The following ACSL6 variants were observed in gnomAD, a reference collection of about 807,000 sequenced individuals.
ACSL6 encodes the protein long-chain-fatty-acid--CoA ligase 6.
ACSL6 carries 47 observed loss-of-function variants against 98.2 expected under a neutral mutation model. The observed-to-expected ratio is 0.48, with a 90% CI of 0.38 to 0.61. The LOEUF (loss-of-function observed/expected upper bound fraction) is 0.61. Ranked by LOEUF, ACSL6 falls within the 20% of genes least tolerant of loss-of-function variation. ACSL6 has a pLI of 0.00. For missense variants in ACSL6, 761 were observed against 913.4 expected (o/e 0.83, Z 2.15); for synonymous variants, 362 against 336.9 (o/e 1.07, Z -0.82).
At chr5:131,956,631 G>A (rs963264074) in intron 20 of ACSL6, among the ~76,000 whole-genome samples, 42 of 152,058 alleles carry the variant, frequency 2.8e-4, no homozygotes, top group African/African-American at 1.0e-3. Flanking sequence ...GCAGTAAGTG[G>A]AAAAAAATGA....
chr5:132,001,231 G>A (rs1433330962), intron 1 of ACSL6, among the ~76,000 whole-genome samples: 3 of 152,214 alleles, frequency 2.0e-5, no homozygotes, highest in Non-Finnish European at 2.9e-5. Context: ...GCATAGAGCT[G>A]AGGGAGTAGT....
intron 1 of ACSL6, chr5:132,003,540 C>T (rs1009619697): frequency 6.6e-6 from 1 of 152,302 alleles, no homozygotes; most frequent in African/African-American, 2.4e-5. Context: ...GAGGGCATCA[C>T]TCCACTTGGG....
chr5:131,951,620 C>G lies in ACSL6; in HGVS notation c.*2614G>C. 5.7e-6 allele frequency: 1 copy of G among 176,056 alleles called. No homozygotes were observed. Among genetic ancestry groups the G allele is most frequent in the Non-Finnish European group, 1.2e-5 (1 of 82,254 alleles). The allele number at this position is 176,056 out of a possible 1,614,324, so 10.9% of individuals were successfully genotyped here. ...TTTCTTTTTGAGACGGAGTCTCGTT[C>G]TGTTGCCCAGGCTGGAGTACAGTGG... is the stretch of plus-strand genomic sequence containing the variant. On this transcript the variant is annotated 3_prime_UTR_variant, in exon 21 of 21. Coordinates refer to ENST00000651883, the MANE Select transcript of ACSL6 (RefSeq NM_001009185.3).
intron 18 of ACSL6, 145 bp downstream of exon 18, chr5:131,962,386 ATAAG>A (rs1242729874): frequency 6.1e-5 from 55 of 908,200 alleles, no homozygotes; most frequent in Non-Finnish European, 8.1e-5. Context: ...TTAACAAACT[ATAAG>A]TAAGATTTCT....
chr5:131,961,546 AT>A (rs1046782079), intron 18 of ACSL6, among the ~76,000 whole-genome samples: 1 of 151,560 alleles, frequency 6.6e-6, no homozygotes, highest in African/African-American at 2.4e-5. Flanking sequence ...TAAAAAAAAA[AT>A]ATATCCAGGT....
Position 131,954,077 on chromosome 5 carries a change from G to A in ACSL6, c.*157C>T. 1 of 585,586 alleles carries A rather than the reference G, an allele frequency of 1.7e-6. No homozygotes were observed. Among genetic ancestry groups the A allele is most frequent in the Non-Finnish European group, 2.6e-6 (1 of 384,156 alleles). The allele number at this position is 585,586 out of a possible 1,614,324, so 36.3% of individuals were successfully genotyped here. A position where few individuals can be genotyped will look rare whatever the true frequency, so the allele number is the denominator to read the frequency against. ...ATAAAATATACTCATTGATGATAGA[G>A]AAAATATTGTTAAAGACCTCTTGGG... On this transcript the variant is annotated 3_prime_UTR_variant, in exon 21 of 21. Coordinates refer to ENST00000651883, the MANE Select transcript of ACSL6 (RefSeq NM_001009185.3).
intron 9 of ACSL6, among the ~76,000 whole-genome samples, chr5:131,980,477 G>C: frequency 6.6e-6 from 1 of 152,114 alleles, no homozygotes; most frequent in East Asian, 1.9e-4. Context: ...AAACGAATAG[G>C]TCATGGTGAA....
intron 20 of ACSL6, among the ~76,000 whole-genome samples, chr5:131,958,732 T>C (rs1273034645): frequency 6.6e-6 from 1 of 152,186 alleles, no homozygotes; most frequent in African/African-American, 2.4e-5. Context: ...TGGTTTTAAA[T>C]GTTTTTAGGT....
chr5:131,952,827 A>G lies in ACSL6; in HGVS notation c.*1407T>C, dbSNP rs575856850. ...GCCATTAGGCAGTATTTCTTTGTCT[A>G]TGGACTTAAAAAGTTTTCTTGGGGC... On this transcript the variant is annotated 3_prime_UTR_variant, in exon 21 of 21. Transcript: ENST00000651883. 3 of 218,184 alleles carry G rather than the reference A, an allele frequency of 1.4e-5. No individual in the cohort carries two copies. Among genetic ancestry groups the G allele is most frequent in the East Asian group, 6.8e-5 (1 of 14,680 alleles). 13.5% of individuals were successfully genotyped at this position (218,184 alleles called of 1,614,324 possible). A position where few individuals can be genotyped will look rare whatever the true frequency, so the allele number is the denominator to read the frequency against.
Position 131,971,545 on chromosome 5 carries a change from A to T in ACSL6, c.1434+5T>A, listed in dbSNP as rs1360290457. The T allele has an allele frequency of 6.3e-7, 1 of 1,598,040 alleles. No individual in the cohort carries two copies. The highest frequency in any genetic ancestry group is 1.3e-5 in the African/African-American group (1 of 74,630). On this transcript the variant is annotated splice_donor_5th_base_variant and intron_variant, in intron 14 of 20. Transcript: ENST00000651883. ...TTTCCAAGGGAGGACACACAATGAC[A>T]ATACCTGGCACCCTAGAGCTGCCCG...
rs190356154 is a variant in ACSL6 at position 131,989,277 on chromosome 5, G to A, written c.552+130C>T. 724 of 879,490 alleles carry A rather than the reference G, an allele frequency of 8.2e-4. 5 individuals carry two copies. The highest frequency in any genetic ancestry group is 5.3e-3 in the South Asian group (311 of 59,114). The allele number at this position is 879,490 out of a possible 1,614,324, so 54.5% of individuals were successfully genotyped here. ...CAGAGCCAGGGTGGGAAGAGGAGTG[G>A]TGGCATAGCCCAAGGGTCTCTGTTT... On this transcript the variant is annotated intron_variant, in intron 5 of 20. Coordinates refer to ENST00000651883, the MANE Select transcript of ACSL6 (RefSeq NM_001009185.3).
At chr5:131,964,982 CA>C (rs1168469086) in intron 17 of ACSL6, among the ~76,000 whole-genome samples, 2 of 152,182 alleles carry the variant, frequency 1.3e-5, no homozygotes, top group Non-Finnish European at 2.9e-5. Context: ...TCATGCCCAT[CA>C]CATTGGGTTG....
intron 1 of ACSL6, among the ~76,000 whole-genome samples, chr5:132,009,292 G>A (rs1412254032): frequency 6.6e-6 from 1 of 152,184 alleles, no homozygotes; most frequent in South Asian, 2.1e-4. Context: ...AGGTTAGGTG[G>A]CAAAAAGCAC....
Position 132,011,357 on chromosome 5 carries a change from T to C in ACSL6, c.49+148A>G, listed in dbSNP as rs1755716241. ...GAGAACTGGGGGCGGAGGGTGTACT[T>C]AGGCGGCCCTGGGGACCTTGACGGG... On this transcript the variant is annotated intron_variant, in intron 1 of 20. Transcript: ENST00000651883. The surrounding 1 kb of genome is among the most constrained non-coding windows in gnomAD (Gnocchi z 5.4). 6 of 826,668 alleles carry C rather than the reference T, an allele frequency of 7.3e-6. No individual in the cohort carries two copies. The Admixed American group carries it at 1.3e-4, about 18-fold the overall frequency. 51.2% of individuals were successfully genotyped at this position (826,668 alleles called of 1,614,324 possible). A position where few individuals can be genotyped will look rare whatever the true frequency, so the allele number is the denominator to read the frequency against.
intron 3 of ACSL6, 81 bp from the exon 4 acceptor site, chr5:131,990,245 A>G: frequency 7.2e-7 from 1 of 1,390,786 alleles, no homozygotes; most frequent in Admixed American, 1.8e-5. Flanking sequence ...AGAAACCTGG[A>G]TGGACATCCC....
At chr5:131,988,422 G>T (rs937489111) in intron 6 of ACSL6, 196 bp from the exon 7 acceptor site, 5 of 1,331,298 alleles carry the variant, frequency 3.8e-6, no homozygotes, top group Admixed American at 4.1e-5. Context: ...AGGGCAGAAG[G>T]CCATGGAACC....
intron 9 of ACSL6, among the ~76,000 whole-genome samples, chr5:131,981,338 A>AC (rs1753882929): frequency 6.6e-6 from 1 of 151,910 alleles, no homozygotes. Flanking sequence ...AAAAAAAAAA[A>AC]AAAAAAACAC....
chr5:132,008,159 C>A (rs538878822), intron 1 of ACSL6, among the ~76,000 whole-genome samples: 41 of 152,224 alleles, frequency 2.7e-4, no homozygotes, highest in Non-Finnish European at 4.9e-4. Context: ...CAGCTGGCCA[C>A]AGAGCCACCT....
At chr5:131,999,826 G>C (rs1448979738) in intron 1 of ACSL6, among the ~76,000 whole-genome samples, 2 of 152,190 alleles carry the variant, frequency 1.3e-5, no homozygotes, top group Admixed American at 6.5e-5. Flanking sequence ...CAGCGTGCCA[G>C]AGCCTCAGCT....
Sources: allele counts gnomAD v4.1 joint callset (sites outside exome capture counted in the v4.1 genomes callset), GRCh38; gene constraint gnomAD v4.1.1; non-coding constraint Gnocchi (gnomAD v3.1); transcripts MANE v1.5; gene names NCBI Gene and HGNC (gene_info 2026-07-23, HGNC 2026-07-21).